SHISA7: variants seen among roughly 807,000 people sequenced by gnomAD.
SHISA7 encodes the protein shisa family member 7.
In SHISA7, 6 loss-of-function variants were observed where a neutral mutation model predicts 23.9. That is an observed-to-expected ratio of 0.25 (90% CI 0.14 to 0.50). The LOEUF (loss-of-function observed/expected upper bound fraction) is 0.50, where lower values mean the gene tolerates loss of function less well. Ranked by LOEUF, SHISA7 falls within the 20% of genes least tolerant of loss-of-function variation. The pLI is 0.98. For missense variants in SHISA7, 671 were observed against 801.1 expected (o/e 0.84, Z 1.96); for synonymous variants, 386 against 398.3 (o/e 0.97, Z 0.37).
chr19:55,438,552 C>G lies in SHISA7; in HGVS notation c.827-798G>C, dbSNP rs552043871. 4 of 1,304,312 alleles carry G rather than the reference C, an allele frequency of 3.1e-6. No homozygotes were observed. The African/African-American group carries it at 6.1e-5, about 20-fold the overall frequency. 80.8% of individuals were successfully genotyped at this position (1,304,312 alleles called of 1,614,324 possible). A position where few individuals can be genotyped will look rare whatever the true frequency, so the allele number is the denominator to read the frequency against. On this transcript the variant is annotated intron_variant, in intron 2 of 3. Coordinates refer to ENST00000376325, the MANE Select transcript of SHISA7 (RefSeq NM_001145176.2). Reference sequence around the variant, plus strand: ...CTGCTCTTTTCCGCAGCCGGGCCCTCTTCCGCACCCAGTGTGGCGGCGTGG... The same window carrying G: ...CTGCTCTTTTCCGCAGCCGGGCCCTGTTCCGCACCCAGTGTGGCGGCGTGG...
chr19:55,434,825 GTGTGTGGTGTGTGGT>G (rs1985364884), intron 3 of SHISA7, among the ~76,000 whole-genome samples: 1 of 74,998 alleles, frequency 1.3e-5, no homozygotes. Context: ...GTGTGTATGT[GTGTGTGGTGTGTGGT>G]GTGTGTGTGC....
Position 55,430,811 on chromosome 19 carries a change from G to A in SHISA7, c.*2345C>T, listed in dbSNP as rs938118456. ...CAGCACTGGACCTCATGGATCCTGG[G>A]AGAAGATGACACCAGGGTTATGGTG... On this transcript the variant is annotated 3_prime_UTR_variant, in exon 4 of 4. Transcript: ENST00000376325. 6 of 149,458 alleles carry A rather than the reference G, an allele frequency of 4.0e-5. No homozygotes were observed. Among genetic ancestry groups the A allele is most frequent in the Admixed American group, 3.4e-4 (5 of 14,886 alleles). The allele number at this position is 149,458 out of a possible 1,614,324, so 9.3% of individuals were successfully genotyped here.
rs925004333 is a variant in SHISA7 at position 55,430,656 on chromosome 19, C to T, written c.*2500G>A. 3.3e-5 allele frequency: 5 copies of T among 151,242 alleles called. No individual in the cohort carries two copies. The highest frequency in any genetic ancestry group is 7.3e-5 in the African/African-American group (3 of 40,948). 9.4% of individuals were successfully genotyped at this position (151,242 alleles called of 1,614,324 possible). On this transcript the variant is annotated 3_prime_UTR_variant, in exon 4 of 4. Transcript: ENST00000376325. ...TGGATCCTAGTAGATGGTGACAACA[C>T]TGGACCTCATGGATCCTGGGAGATG...
intron 3 of SHISA7, among the ~76,000 whole-genome samples, chr19:55,435,408 T>TTGTGTGTGTGTGGGTGTGTGTTG (rs1985433530): frequency 7.5e-6 from 1 of 132,470 alleles, no homozygotes; most frequent in African/African-American, 2.9e-5. Context: ...TGGGTGTGTG[T>TTGTGTGTGTGTGGGTGTGTGTTG]TGTGTGTGTG....
Position 55,430,279 on chromosome 19 carries a change from AG to A in SHISA7, c.*2876del, listed in dbSNP as rs1440937478. The A allele has an allele frequency of 2.0e-5, 3 of 152,260 alleles. No homozygotes were observed. Among genetic ancestry groups the A allele is most frequent in the African/African-American group, 7.2e-5 (3 of 41,404 alleles). 9.4% of individuals were successfully genotyped at this position (152,260 alleles called of 1,614,324 possible). On this transcript the variant is annotated 3_prime_UTR_variant, in exon 4 of 4. Coordinates refer to ENST00000376325, the MANE Select transcript of SHISA7 (RefSeq NM_001145176.2). ...GCCAGAGTAGGGGTGAAGTCTTCAG[AG>A]GGGGACAGCTGGCCCCACCCCTGTC...
intron 2 of SHISA7, chr19:55,438,597 T>G: frequency 2.3e-6 from 3 of 1,304,254 alleles, no homozygotes; most frequent in Non-Finnish European, 3.0e-6. Flanking sequence ...CTGTTGACGT[T>G]GAGGTGCAGG....
At position 55,433,726 on chromosome 19, in the gene SHISA7, C is replaced by T; in HGVS notation, c.1047G>A (p.Leu349=). 6.8e-7 allele frequency: 1 copy of T among 1,473,404 alleles called. No homozygotes were observed. Among genetic ancestry groups the T allele is most frequent in the Non-Finnish European group, 8.9e-7 (1 of 1,120,286 alleles). The allele number at this position is 1,473,404 out of a possible 1,614,324, so 91.3% of individuals were successfully genotyped here. Residue 349 remains leucine (L), a synonymous_variant, in exon 4 of 4, where the codon CTG becomes CTA. Transcript: ENST00000376325. This position sits in a 1 kb window ranked among gnomAD's most constrained non-coding sequence, Gnocchi z 8.4. ...CCGTGCCCGGCCGCCGCAGCGCGTG[C>T]AGGGGCAGCGTGCCGCGGGGCAATT... is the stretch of plus-strand genomic sequence containing the variant. ...PLELPRGTLP[L]HALRRPGTGG...
chr19:55,439,747 C>T (rs536228329), intron 2 of SHISA7, among the ~76,000 whole-genome samples: 50 of 152,200 alleles, frequency 3.3e-4, no homozygotes, highest in African/African-American at 1.1e-3. Flanking sequence ...TCAAATACCT[C>T]TCCCTCGGAG....
rs1300854983 is a variant in SHISA7 at position 55,442,674 on chromosome 19, C to G, written c.190G>C (p.Gly64Arg). The G allele has an allele frequency of 8.3e-7, 1 of 1,208,090 alleles. No individual in the cohort carries two copies. Among genetic ancestry groups the G allele is most frequent in the South Asian group, 2.1e-5 (1 of 48,220 alleles). 74.8% of individuals were successfully genotyped at this position (1,208,090 alleles called of 1,614,324 possible). ...ASPGANGTRT[G>R]PAGGAGAAAR... ...GCCGCGCCCGCCCCGCCCGCGGGGCCGGTCCTGGTGCCGTTGGCGCCTGGG... is the reference window on the plus strand; with the variant it reads ...GCCGCGCCCGCCCCGCCCGCGGGGCGGGTCCTGGTGCCGTTGGCGCCTGGG... Residue 64 changes from glycine (G) to arginine (R), a missense_variant, in exon 1 of 4, where the codon GGC becomes CGC. Coordinates refer to ENST00000376325, the MANE Select transcript of SHISA7 (RefSeq NM_001145176.2).
At position 55,437,739 on chromosome 19, in the gene SHISA7, G is replaced by GGCAAGGCTCGCC; in HGVS notation, c.830_841dup (p.Leu280_Pro281insArgArgAlaLeu). Reference sequence around the variant, plus strand: ...GTAGTGCAAGGAGGGGCTGGGCGGCGGCAAGGCTCGCCAGTCTGGGTTAGA... The same window carrying GGCAAGGCTCGCC: ...GTAGTGCAAGGAGGGGCTGGGCGGCGGCAAGGCTCGCCGCAAGGCTCGCCAGTCTGGGTTAGA... On this transcript the variant is annotated inframe_insertion, in exon 3 of 4. Coordinates refer to ENST00000376325, the MANE Select transcript of SHISA7 (RefSeq NM_001145176.2). The GGCAAGGCTCGCC allele has an allele frequency of 3.2e-6, 5 of 1,550,532 alleles. No homozygotes were observed. Among genetic ancestry groups the GGCAAGGCTCGCC allele is most frequent in the Non-Finnish European group, 4.4e-6 (5 of 1,146,580 alleles).
chr19:55,435,499 A>T (rs2123351517), intron 3 of SHISA7, among the ~76,000 whole-genome samples: 1 of 148,890 alleles, frequency 6.7e-6, no homozygotes, highest in South Asian at 2.1e-4. Context: ...CACTCCTGTA[A>T]TCCCAGCACT....
rs1320035314 is a variant in SHISA7, at chr19:55,433,249, C to T, written c.1524G>A (p.Gln508=). The T allele has an allele frequency of 1.3e-6, 2 of 1,522,140 alleles. No individual in the cohort carries two copies. Among genetic ancestry groups the T allele is most frequent in the South Asian group, 2.4e-5 (2 of 83,294 alleles). The allele number at this position is 1,522,140 out of a possible 1,614,324, so 94.3% of individuals were successfully genotyped here. A position where few individuals can be genotyped will look rare whatever the true frequency, so the allele number is the denominator to read the frequency against. The stretch of plus-strand genomic sequence containing the variant: ...GCAGCTGCTCCAGCGTGCCCTGGCG[C>T]TGGAAGGGCGGCCTGCGGGCCAGTG... ...GGTLARRPPF[Q]RQGTLEQLQF... is the part of the protein sequence containing the mutation. The change falls in exon 4 of 4, where the codon CAG becomes CAA. Residue 508 remains glutamine, a synonymous_variant. Coordinates refer to ENST00000376325, the MANE Select transcript of SHISA7 (RefSeq NM_001145176.2). The surrounding 1 kb of genome is among the most constrained non-coding windows in gnomAD (Gnocchi z 8.4).
intron 3 of SHISA7, among the ~76,000 whole-genome samples, chr19:55,436,917 C>G (rs756382843): frequency 6.6e-6 from 1 of 152,104 alleles, no homozygotes. Flanking sequence ...GTCTTGAAAA[C>G]ATAGTGGTAA....
intron 1 of SHISA7, 77 bp downstream of exon 1, chr19:55,442,113 CCCT>C (rs1442909295): frequency 1.3e-4 from 183 of 1,359,264 alleles, no homozygotes; most frequent in Non-Finnish European, 1.7e-4. Context: ...TCCCTGCAGC[CCCT>C]CCTCCTCGGA....
At chr19:55,440,909 C>A in intron 1 of SHISA7, 144 bp from the exon 2 acceptor site, 1 of 718,484 alleles carries the variant, frequency 1.4e-6, no homozygotes, top group Non-Finnish European at 1.9e-6. Flanking sequence ...GCCCCTTTCT[C>A]GTTGGCCACG....
intron 2 of SHISA7, chr19:55,438,711 T>C (rs1193906008): frequency 1.7e-6 from 2 of 1,166,690 alleles, no homozygotes; most frequent in Non-Finnish European, 2.3e-6. Flanking sequence ...GGAAGGACTC[T>C]GGCCCCAAGG....
rs1985215792 is a variant in SHISA7 at position 55,431,895 on chromosome 19, A to C, written c.*1261T>G. 6.6e-6 allele frequency: 1 copy of C among 152,210 alleles called. No homozygotes were observed. The highest frequency in any genetic ancestry group is 6.5e-5 in the Admixed American group (1 of 15,288). 9.4% of individuals were successfully genotyped at this position (152,210 alleles called of 1,614,324 possible). A position where few individuals can be genotyped will look rare whatever the true frequency, so the allele number is the denominator to read the frequency against. ...AGTCATGGCACAGATGTGGGATCCA[A>C]GGCCCCATTTCCCCTCAGAGGGTCT... On this transcript the variant is annotated 3_prime_UTR_variant, in exon 4 of 4. Coordinates refer to ENST00000376325, the MANE Select transcript of SHISA7 (RefSeq NM_001145176.2).
chr19:55,435,321 GGGTGTGTGT>G (rs1192364994), intron 3 of SHISA7, among the ~76,000 whole-genome samples: 2 of 123,662 alleles, frequency 1.6e-5, no homozygotes, highest in Non-Finnish European at 3.3e-5. Context: ...GTGTGTGTGT[GGGTGTGTGT>G]GGTGTGTGTG....
At chr19:55,438,723 C>A in intron 2 of SHISA7, 1 of 1,018,210 alleles carries the variant, frequency 9.8e-7, no homozygotes, top group Non-Finnish European at 1.4e-6. Flanking sequence ...GCCCCAAGGT[C>A]GGCCCCACAT....
Sources: allele counts gnomAD v4.1 joint callset (sites outside exome capture counted in the v4.1 genomes callset), GRCh38; gene constraint gnomAD v4.1.1; non-coding constraint Gnocchi (gnomAD v3.1); transcripts MANE v1.5; gene names NCBI Gene and HGNC (gene_info 2026-07-23, HGNC 2026-07-21).